The following MIS18A variants were observed in gnomAD, a reference collection of about 807,000 sequenced individuals.
MIS18A encodes MIS18 kinetochore protein A.
MIS18A carries 14 observed loss-of-function variants against 25.0 expected under a neutral mutation model. The observed-to-expected ratio is 0.56, with a 90% CI of 0.37 to 0.88. The LOEUF (loss-of-function observed/expected upper bound fraction) is 0.88, where lower values mean the gene tolerates loss of function less well. Ranked by LOEUF, MIS18A falls within the 40% of genes least tolerant of loss-of-function variation. The pLI, the probability that MIS18A is intolerant of heterozygous loss-of-function variation, is 0.00. For synonymous variants in MIS18A, 134 were observed against 118.6 expected, an observed-to-expected ratio of 1.13 and a Z score of -0.84; for missense variants, 292 against 290.8, an observed-to-expected ratio of 1.00 and a Z score of -0.03.
the MIS18A span, among the ~76,000 whole-genome samples, chr21:32,239,221 C>T: frequency 6.6e-6 from 1 of 152,170 alleles, no homozygotes; most frequent in Admixed American, 6.5e-5. Context: ...CTTCTCTACA[C>T]TTGCTTTCCG....
downstream of MIS18A, among the ~76,000 whole-genome samples, chr21:32,265,528 G>A (rs537089592): frequency 3.7e-4 from 56 of 152,352 alleles, no homozygotes; most frequent in South Asian, 1.4e-3. Context: ...GCCCACCGGC[G>A]CTGTGCTGGA....
At chr21:32,239,920 G>A in the MIS18A span, among the ~76,000 whole-genome samples, 1 of 152,178 alleles carries the variant, frequency 6.6e-6, no homozygotes, top group African/African-American at 2.4e-5. Context: ...GACTGAAAGG[G>A]GCTGCTGGGT....
the MIS18A span, among the ~76,000 whole-genome samples, chr21:32,229,492 C>T: frequency 2.0e-5 from 3 of 152,170 alleles, no homozygotes; most frequent in African/African-American, 2.4e-5. Context: ...TGTAATTACC[C>T]GCTGCATTAG....
chr21:32,198,730 C>T, the MIS18A span, among the ~76,000 whole-genome samples: 2 of 152,196 alleles, frequency 1.3e-5, no homozygotes, highest in Non-Finnish European at 2.9e-5. Context: ...GGCCGAAGAC[C>T]CAGCTTTGAA....
At chr21:32,271,168 T>C (rs2031707787) in intron 2 of MIS18A, among the ~76,000 whole-genome samples, 2 of 152,200 alleles carry the variant, frequency 1.3e-5, no homozygotes, top group African/African-American at 4.8e-5. Flanking sequence ...TGGCTTAGAA[T>C]CCAGTGTCTC....
chr21:32,215,773 G>A, the MIS18A span, among the ~76,000 whole-genome samples: 4 of 152,140 alleles, frequency 2.6e-5, no homozygotes, highest in Admixed American at 6.5e-5. Flanking sequence ...TCTGGTATGG[G>A]ATAATCTGGT....
At chr21:32,163,302 G>A in the MIS18A span, among the ~76,000 whole-genome samples, 13 of 152,164 alleles carry the variant, frequency 8.5e-5, no homozygotes, top group Non-Finnish European at 1.3e-4. Flanking sequence ...ACATTTACAA[G>A]CAAATTGCCC....
the MIS18A span, among the ~76,000 whole-genome samples, chr21:32,157,054 C>CTTTTTTTTTTTTTTTTTTTTTTT: frequency 8.2e-6 from 1 of 121,552 alleles, no homozygotes. Flanking sequence ...TTCTTTCTTT[C>CTTTTTTTTTTTTTTTTTTTTTTT]TTTTTTTTTT....
chr21:32,239,602 C>T, the MIS18A span, among the ~76,000 whole-genome samples: 1 of 152,116 alleles, frequency 6.6e-6, no homozygotes, highest in Admixed American at 6.5e-5. Flanking sequence ...CCATCGCAAC[C>T]AGGTATGTGC....
chr21:32,227,046 A>G, the MIS18A span, among the ~76,000 whole-genome samples: 23 of 152,248 alleles, frequency 1.5e-4, no homozygotes. Context: ...AAAACACAAC[A>G]TATCTATGGG....
At chr21:32,223,321 A>G in the MIS18A span, among the ~76,000 whole-genome samples, 30 of 152,314 alleles carry the variant, frequency 2.0e-4, no homozygotes, top group East Asian at 4.2e-3. Flanking sequence ...CCCTTAAAAA[A>G]AAATCAATGA....
chr21:32,250,177 C>CT, the MIS18A span, among the ~76,000 whole-genome samples: 112 of 151,410 alleles, frequency 7.4e-4, 2 homozygotes, highest in African/African-American at 1.5e-3. Context: ...ATTCTTGCCC[C>CT]TTTTTTTTTC....
At chr21:32,226,475 C>T in the MIS18A span, among the ~76,000 whole-genome samples, 1 of 151,774 alleles carries the variant, frequency 6.6e-6, no homozygotes, top group South Asian at 2.1e-4. Context: ...GGACTTTATA[C>T]AAAAATCGTT....
the MIS18A span, among the ~76,000 whole-genome samples, chr21:32,251,791 C>T: frequency 3.0e-4 from 45 of 152,326 alleles, no homozygotes; most frequent in East Asian, 8.5e-3. Flanking sequence ...AGGTGGGAGA[C>T]TGTCTAAGAG....
In MIS18A at chr21:32,278,569, A is replaced by T. The variant is rs565793295; in HGVS notation, c.334+112T>A. The T allele has an allele frequency of 4.0e-4, 465 of 1,155,528 alleles. 1 individual carries two copies. The highest frequency in any genetic ancestry group is 3.7e-3 in the South Asian group (227 of 61,578). 71.6% of individuals were successfully genotyped at this position (1,155,528 alleles called of 1,614,324 possible). On this transcript the variant is annotated intron_variant, in intron 1 of 4. Coordinates refer to ENST00000290130, the MANE Select transcript of MIS18A (RefSeq NM_018944.3). ...TCACACTCTCAGACTTTTTGCTCTT[A>T]AAGTCCCTGGGCAGCCCCAAGGAGC...
chr21:32,161,945 C>T, the MIS18A span, among the ~76,000 whole-genome samples: 3 of 151,888 alleles, frequency 2.0e-5, no homozygotes, highest in Non-Finnish European at 4.4e-5. Flanking sequence ...CTCTACTTTC[C>T]ACTAGATTAT....
the MIS18A span, among the ~76,000 whole-genome samples, chr21:32,235,373 C>T: frequency 6.6e-6 from 1 of 152,170 alleles, no homozygotes; most frequent in African/African-American, 2.4e-5. Context: ...AATTGGGCTG[C>T]AGCTGAGACC....
At chr21:32,260,047 G>A in the MIS18A span, 2 of 138,212 alleles carry the variant, frequency 1.4e-5, no homozygotes, top group South Asian at 4.7e-4. Context: ...AATATGAAAA[G>A]CAATTTTGAA....
Position 32,278,894 on chromosome 21 carries a change from G to C in MIS18A, c.121C>G (p.Arg41Gly). Reference protein sequence around the residue: ...LGKRLSEDSSRHQLLQKWASM... With the variant: ...LGKRLSEDSSGHQLLQKWASM... The stretch of plus-strand genomic sequence containing the variant: ...GCCCACTTCTGCAACAGCTGGTGGC[G>C]GCTCGAGTCTTCGGAGAGTCTCTTG... Residue 41 changes from arginine (R) to glycine (G), a missense_variant, in exon 1 of 5, where the codon CGC (arginine) becomes GGC (glycine). Arg to Gly is a moderately radical substitution (Grantham distance 125). Coordinates refer to ENST00000290130, the MANE Select transcript of MIS18A (RefSeq NM_018944.3). 1 of 1,613,324 alleles carries C rather than the reference G, an allele frequency of 6.2e-7. No individual in the cohort carries two copies. The highest frequency in any genetic ancestry group is 1.7e-4 in the Middle Eastern group (1 of 6,058).
Sources: allele counts gnomAD v4.1 joint callset (sites outside exome capture counted in the v4.1 genomes callset), GRCh38; gene constraint gnomAD v4.1.1; transcripts MANE v1.5; gene names NCBI Gene and HGNC (gene_info 2026-07-23, HGNC 2026-07-21).